Variants in ITGB8 observed in about 807,000 individuals in gnomAD.
ITGB8 encodes the protein integrin beta-8.
Under a neutral mutation model 89.5 loss-of-function variants are expected in ITGB8, and 30 were observed. The ratio of observed to expected loss-of-function variants is 0.34; its 90% CI spans 0.25 to 0.45. The LOEUF is 0.45. Ranked by LOEUF, ITGB8 falls within the 20% of genes least tolerant of loss-of-function variation. ITGB8 has a pLI of 1.00. For missense variants in ITGB8, 836 were observed against 933.3 expected (o/e 0.90, Z 1.36); for synonymous variants, 335 against 320.4 (o/e 1.05, Z -0.49).
chr7:20,351,268 T>C (rs1785104671), intron 1 of ITGB8, among the ~76,000 whole-genome samples: 2 of 152,256 alleles, frequency 1.3e-5, no homozygotes, highest in Non-Finnish European at 2.9e-5. Context: ...AATAATTTTC[T>C]TTTTTATGTT....
rs969671765 is a variant in ITGB8, at chr7:20,415,312, G to C, written c.*5315G>C. The C allele has an allele frequency of 1.3e-5, 2 of 151,638 alleles. No individual in the cohort carries two copies. The highest frequency in any genetic ancestry group is 4.8e-5 in the African/African-American group (2 of 41,356). 9.4% of individuals were successfully genotyped at this position (151,638 alleles called of 1,614,324 possible). On this transcript the variant is annotated 3_prime_UTR_variant, in exon 14 of 14. Coordinates refer to ENST00000222573, the MANE Select transcript of ITGB8 (RefSeq NM_002214.3). The stretch of plus-strand genomic sequence containing the variant: ...AATTAGAAATGTATTAAACTTATCA[G>C]TAACATAAAAACTTATTTTGTTTCA...
chr7:20,389,333 A>G (rs934661520), intron 6 of ITGB8, among the ~76,000 whole-genome samples: 4 of 152,242 alleles, frequency 2.6e-5, no homozygotes, highest in East Asian at 1.9e-4. Flanking sequence ...CTGGCCTGAG[A>G]TGGTATCTCA....
chr7:20,340,383 G>A (rs1032292729), intron 1 of ITGB8, among the ~76,000 whole-genome samples: 13 of 152,192 alleles, frequency 8.5e-5, no homozygotes, highest in African/African-American at 2.7e-4. Flanking sequence ...TTTGGAAGTG[G>A]AGAGAAGGGC....
chr7:20,394,233 C>T (rs541932536), intron 7 of ITGB8, among the ~76,000 whole-genome samples: 4 of 152,266 alleles, frequency 2.6e-5, no homozygotes, highest in South Asian at 2.1e-4. Context: ...CCTATAAGTA[C>T]GTGCCCTTTA....
chr7:20,388,742 C>G (rs1470280012), intron 6 of ITGB8, among the ~76,000 whole-genome samples: 1 of 151,984 alleles, frequency 6.6e-6, no homozygotes, highest in Non-Finnish European at 1.5e-5. Flanking sequence ...AACCATCAAC[C>G]CATCATCTAC....
chr7:20,366,117 A>G (rs540897674), intron 2 of ITGB8: 1 of 152,206 alleles, frequency 6.6e-6, no homozygotes, highest in African/African-American at 2.4e-5. Context: ...TAATTAGGAT[A>G]GAAACAGCAT....
chr7:20,412,829 G>C lies in ITGB8; in HGVS notation c.*2832G>C, dbSNP rs1409865978. ...ATTAATTAAATGGTAAGGGAACACA[G>C]GGTACTCTTAGGTTAAATAATGTAT... On this transcript the variant is annotated 3_prime_UTR_variant, in exon 14 of 14. Transcript: ENST00000222573. 1 of 152,564 alleles carries C rather than the reference G, an allele frequency of 6.6e-6. No individual in the cohort carries two copies. The highest frequency in any genetic ancestry group is 1.5e-5 in the Non-Finnish European group (1 of 67,998). The allele number at this position is 152,564 out of a possible 1,614,324, so 9.5% of individuals were successfully genotyped here.
chr7:20,389,779 T>G (rs1286889605), intron 6 of ITGB8, among the ~76,000 whole-genome samples: 1 of 152,140 alleles, frequency 6.6e-6, no homozygotes, highest in Non-Finnish European at 1.5e-5. Flanking sequence ...ATTTTAAGAT[T>G]ATGCCTTTCA....
At chr7:20,341,447 C>T (rs1011954429) in intron 1 of ITGB8, among the ~76,000 whole-genome samples, 1 of 152,088 alleles carries the variant, frequency 6.6e-6, no homozygotes, top group African/African-American at 2.4e-5. Flanking sequence ...TGAGGGCCAA[C>T]GTATATAATC....
At position 20,331,288 on chromosome 7, in the gene ITGB8, C is replaced by A. The variant is rs1784380313; in HGVS notation, c.-519C>A. The A allele has an allele frequency of 5.7e-6, 2 of 351,304 alleles. No homozygotes were observed. Among genetic ancestry groups the A allele is most frequent in the Non-Finnish European group, 1.0e-5 (2 of 196,176 alleles). The allele number at this position is 351,304 out of a possible 1,614,324, so 21.8% of individuals were successfully genotyped here. On this transcript the variant is annotated 5_prime_UTR_variant, in exon 1 of 14. Coordinates refer to ENST00000222573, the MANE Select transcript of ITGB8 (RefSeq NM_002214.3). ...GTGGAAGCAACTGCGCTGATTGATG[C>A]GCCACAGACTTTTTTCCCCTCGACC...
chr7:20,355,733 G>A (rs568434521), intron 1 of ITGB8, among the ~76,000 whole-genome samples: 2 of 152,312 alleles, frequency 1.3e-5, no homozygotes, highest in African/African-American at 4.8e-5. Flanking sequence ...ACACTGTGCT[G>A]TAGGCAAAGG....
In ITGB8 at chr7:20,402,060, G is replaced by C. The variant is rs761796504; in HGVS notation, c.1621G>C (p.Val541Leu). ...CSCHKIKLGK[V>L]YGKYCEKDDF... Reference sequence around the variant, plus strand: ...ATGTCACAAAATTAAGCTTGGAAAAGTGTATGGAAAATACTGTGAAAAGGA... The same window carrying C: ...ATGTCACAAAATTAAGCTTGGAAAACTGTATGGAAAATACTGTGAAAAGGA... The change falls in exon 10 of 14, where the codon GTG (valine) becomes CTG (leucine). Residue 541 changes from valine to leucine, a missense_variant. This residue lies in a region of ITGB8 where 422 missense variants were observed against 416.9 expected (regional missense o/e 1.01). Coordinates refer to ENST00000222573, the MANE Select transcript of ITGB8 (RefSeq NM_002214.3). The C allele has an allele frequency of 3.7e-6, 6 of 1,614,134 alleles. No homozygotes were observed. Among genetic ancestry groups the C allele is most frequent in the Middle Eastern group, 1.6e-4 (1 of 6,062 alleles).
chr7:20,374,887 G>A (rs1786073999), intron 3 of ITGB8, among the ~76,000 whole-genome samples: 1 of 152,130 alleles, frequency 6.6e-6, no homozygotes, highest in South Asian at 2.1e-4. Context: ...GATTTTAAAA[G>A]GATCGACTCG....
chr7:20,394,127 A>G (rs1786975653), intron 7 of ITGB8, among the ~76,000 whole-genome samples: 1 of 152,250 alleles, frequency 6.6e-6, no homozygotes, highest in African/African-American at 2.4e-5. Context: ...GTTAGTGTCT[A>G]AGTAATGGCT....
rs1364012694 is a variant in ITGB8, at chr7:20,401,924, T to A, written c.1485T>A (p.Asp495Glu). The A allele has an allele frequency of 6.2e-7, 1 of 1,612,794 alleles. No individual in the cohort carries two copies. The highest frequency in any genetic ancestry group is 2.2e-5 in the East Asian group (1 of 44,878). Residue 495 changes from aspartate (D) to glutamate (E), a missense_variant, in exon 10 of 14, where the codon GAT becomes GAA. By Grantham distance (45) the Asp-to-Glu change is conservative. Coordinates refer to ENST00000222573, the MANE Select transcript of ITGB8 (RefSeq NM_002214.3). The stretch of plus-strand genomic sequence containing the variant: ...TAGATTCCAAGTGTTTCCAGTGTGA[T>A]GAGAATAAATGTCATTTTGATGAAG... ...TFLDSKCFQC[D>E]ENKCHFDEDQ...
chr7:20,396,432 C>CAA (rs71672323), intron 8 of ITGB8, among the ~76,000 whole-genome samples: 23 of 121,476 alleles, frequency 1.9e-4, no homozygotes, highest in Non-Finnish European at 3.4e-4. Flanking sequence ...GACTCCATCT[C>CAA]AAAAAAAAAA....
At chr7:20,351,540 A>C (rs576767300) in intron 1 of ITGB8, among the ~76,000 whole-genome samples, 1 of 152,232 alleles carries the variant, frequency 6.6e-6, no homozygotes, top group East Asian at 1.9e-4. Context: ...GATTTTTTAA[A>C]TTTTCTCTAA....
intron 1 of ITGB8, among the ~76,000 whole-genome samples, chr7:20,332,929 T>TC (rs1305154430): frequency 1.3e-5 from 2 of 151,554 alleles, no homozygotes; most frequent in African/African-American, 4.8e-5. Context: ...TACTTTCTTT[T>TC]TTTTTTTTTT....
intron 10 of ITGB8, 46 bp downstream of exon 10, chr7:20,402,172 C>G (rs2127982937): frequency 6.9e-7 from 1 of 1,444,902 alleles, no homozygotes; most frequent in East Asian, 2.3e-5. Flanking sequence ...CACTATTACA[C>G]CAGCATAGAT....
Sources: allele counts gnomAD v4.1 joint callset (sites outside exome capture counted in the v4.1 genomes callset), GRCh38; gene constraint gnomAD v4.1.1; regional missense constraint gnomAD v4.1.1; transcripts MANE v1.5; gene names NCBI Gene and HGNC (gene_info 2026-07-23, HGNC 2026-07-21).